The following IQSEC1 variants were observed in gnomAD, a reference collection of about 807,000 sequenced individuals.
IQSEC1 encodes IQ motif and SEC7 domain-containing protein 1.
Under a neutral mutation model 91.0 loss-of-function variants are expected in IQSEC1, and 31 were observed. The observed-to-expected ratio is 0.34, with a 90% CI of 0.26 to 0.46. The LOEUF (loss-of-function observed/expected upper bound fraction) is 0.46. Ranked by LOEUF, IQSEC1 falls within the 20% of genes least tolerant of loss-of-function variation. IQSEC1 has a pLI of 1.00. For missense variants in IQSEC1, 1,388 were observed against 1,575.6 expected, an observed-to-expected ratio of 0.88 and a Z score of 2.02; for synonymous variants, 699 against 662.6, an observed-to-expected ratio of 1.05 and a Z score of -0.84.
intron 1 of IQSEC1, among the ~76,000 whole-genome samples, chr3:13,233,774 G>C (rs916007665): frequency 2.0e-5 from 3 of 152,188 alleles, no homozygotes; most frequent in African/African-American, 7.2e-5. Context: ...CCCCAGGGAA[G>C]AGTGAGGGCT....
chr3:12,965,921 CTG>C (rs1267861299), intron 1 of IQSEC1, among the ~76,000 whole-genome samples: 1 of 152,202 alleles, frequency 6.6e-6, no homozygotes, highest in Non-Finnish European at 1.5e-5. Flanking sequence ...TGCTGTGTCT[CTG>C]GTGCCTAGAG....
intron 1 of IQSEC1, among the ~76,000 whole-genome samples, chr3:12,965,869 A>C (rs769375489): frequency 9.2e-5 from 14 of 152,082 alleles, no homozygotes; most frequent in Non-Finnish European, 2.1e-4. Flanking sequence ...TCCCCACTAG[A>C]CTGCTGGTTC....
intron 2 of IQSEC1, among the ~76,000 whole-genome samples, chr3:13,155,451 C>A (rs983568383): frequency 6.6e-6 from 1 of 152,196 alleles, no homozygotes; most frequent in Non-Finnish European, 1.5e-5. Context: ...TGAATGGACT[C>A]ATAACTAATA....
chr3:12,905,373 G>A, intron 12 of IQSEC1, among the ~76,000 whole-genome samples: 1 of 152,286 alleles, frequency 6.6e-6, no homozygotes, highest in Admixed American at 6.5e-5. Flanking sequence ...CAACAATGCT[G>A]TGGTTGGGCT....
chr3:13,188,946 G>A (rs988623684), intron 1 of IQSEC1, among the ~76,000 whole-genome samples: 1 of 152,092 alleles, frequency 6.6e-6, no homozygotes, highest in African/African-American at 2.4e-5. Flanking sequence ...TGTTGGGATT[G>A]TTTCCACTCA....
chr3:13,176,082 C>T (rs11928164), intron 1 of IQSEC1, among the ~76,000 whole-genome samples: 6,435 of 152,300 alleles, frequency 0.042, 321 homozygotes, highest in African/African-American at 0.13. Flanking sequence ...TGATTGCTCG[C>T]TCTGGGGACA....
At chr3:13,180,142 C>A (rs575291112) in intron 1 of IQSEC1, among the ~76,000 whole-genome samples, 7 of 152,368 alleles carry the variant, frequency 4.6e-5, no homozygotes, top group African/African-American at 9.6e-5. Flanking sequence ...ACCTGCCGCC[C>A]CAGTGCGGAT....
Position 13,275,582 on chromosome 3 carries a change from T to C in IQSEC1, c.272+7129A>G, listed in dbSNP as rs111249281. Among the ~76,000 whole-genome samples the C allele has an allele frequency of 3.6e-3, 545 of 152,326 alleles. 5 individuals are homozygous for C. Among genetic ancestry groups the C allele is most frequent in the African/African-American group, 0.013 (521 of 41,574 alleles). The stretch of plus-strand genomic sequence containing the variant: ...TTGACACCATCCTCCTCCTCTCTCC[T>C]GCTCTTCAAGTCCCAGCTCAAAGGT... On this transcript the variant is annotated intron_variant, in intron 1 of 15. Transcript: ENST00000648114.
chr3:13,246,989 C>T lies in IQSEC1; in HGVS notation c.272+35722G>A, dbSNP rs55708365. ...CGCTGGCCTGTTTGCCTCGGGTAGG[C>T]CTTTCTTGAAAGGAGGTTGCAAATA... On this transcript the variant is annotated intron_variant, in intron 1 of 15. Coordinates refer to the IQSEC1 transcript ENST00000648114. 7.7e-3 allele frequency among the ~76,000 whole-genome samples: 1,177 copies of T among 152,284 alleles called. 7 individuals carry two copies. Among genetic ancestry groups the T allele is most frequent in the Middle Eastern group, 0.02 (6 of 294 alleles).
chr3:13,131,024 GAAGGAAGGAAGGA>G (rs1290692841), intron 2 of IQSEC1, among the ~76,000 whole-genome samples: 4 of 123,440 alleles, frequency 3.2e-5, no homozygotes, highest in South Asian at 2.8e-4. Context: ...GAACGGAAGG[GAAGGAAGGAAGGA>G]AAGGAAGGAA....
intron 1 of IQSEC1, among the ~76,000 whole-genome samples, chr3:12,972,636 C>T (rs1413831789): frequency 1.3e-5 from 2 of 152,206 alleles, no homozygotes; most frequent in African/African-American, 4.8e-5. Context: ...GGGAGCTCTG[C>T]GGCTGCCACT....
intron 2 of IQSEC1, among the ~76,000 whole-genome samples, chr3:13,098,635 C>G (rs914223722): frequency 2.0e-5 from 3 of 152,022 alleles, no homozygotes; most frequent in Non-Finnish European, 4.4e-5. Context: ...TGGAAAGGCT[C>G]TGAGCTAGGG....
chr3:13,163,813 T>C (rs1693402870), intron 2 of IQSEC1, among the ~76,000 whole-genome samples: 1 of 147,690 alleles, frequency 6.8e-6, no homozygotes, highest in South Asian at 2.3e-4. Context: ...CACTGGGCCA[T>C]CACCAGCCCC....
At chr3:12,978,807 A>AT (rs1417544726) in intron 1 of IQSEC1, among the ~76,000 whole-genome samples, 7 of 152,308 alleles carry the variant, frequency 4.6e-5, no homozygotes, top group Admixed American at 2.0e-4. Flanking sequence ...GGCAGGAATG[A>AT]TTGCTAGCTG....
chr3:12,975,986 T>G (rs1252467391), intron 1 of IQSEC1, among the ~76,000 whole-genome samples: 1 of 152,256 alleles, frequency 6.6e-6, no homozygotes, highest in African/African-American at 2.4e-5. Flanking sequence ...CTCGGCTCCC[T>G]TCTTGGCTGT....
intron 1 of IQSEC1, among the ~76,000 whole-genome samples, chr3:13,167,788 G>C (rs374252286): frequency 6.6e-6 from 1 of 152,236 alleles, no homozygotes; most frequent in South Asian, 2.1e-4. Flanking sequence ...CCTTCGCCAT[G>C]TGTGCAGCCC....
chr3:12,907,482 A>C (rs955644137), intron 12 of IQSEC1, among the ~76,000 whole-genome samples: 1 of 152,152 alleles, frequency 6.6e-6, no homozygotes, highest in African/African-American at 2.4e-5. Context: ...CCCTCCTGGG[A>C]GAAGCTCGCT....
intron 1 of IQSEC1, among the ~76,000 whole-genome samples, chr3:13,210,616 C>T (rs1397928000): frequency 6.6e-6 from 1 of 152,190 alleles, no homozygotes; most frequent in Non-Finnish European, 1.5e-5. Flanking sequence ...AAGCCAGGCC[C>T]GTGGAAACTG....
chr3:13,103,679 T>G lies in IQSEC1; in HGVS notation c.303-56157A>C, dbSNP rs1559255715. Among the ~76,000 whole-genome samples, 1 of 152,072 alleles carries G rather than the reference T, an allele frequency of 6.6e-6. No individual in the cohort carries two copies. Among genetic ancestry groups the G allele is most frequent in the Non-Finnish European group, 1.5e-5 (1 of 68,000 alleles). On this transcript the variant is annotated intron_variant, in intron 2 of 15. Transcript: ENST00000648114. This position sits in a 1 kb window ranked among gnomAD's most constrained non-coding sequence, Gnocchi z 4.1. ...GGTCTGGCTGGCAGGGGAGCGGGGC[T>G]GGCAGCTGTGATTTCAGAGCAGGGG... is the stretch of plus-strand genomic sequence containing the variant.
Sources: gnomAD v4.1 joint callset for allele counts (sites outside exome capture counted in the v4.1 genomes callset) on GRCh38, gnomAD v4.1.1 for gene constraint, Gnocchi (gnomAD v3.1) non-coding constraint, MANE v1.5 for transcripts, NCBI Gene and HGNC (gene_info 2026-07-23, HGNC 2026-07-21) for gene names.